The following NELL1 variants were observed in gnomAD, a reference collection of about 807,000 sequenced individuals.
NELL1 encodes neural EGFL like 1.
Under a neutral mutation model 107.4 loss-of-function variants are expected in NELL1, and 76 were observed. The observed-to-expected ratio is 0.71, with a 90% CI of 0.59 to 0.86. NELL1 has a LOEUF of 0.86. Among genes scored for constraint, NELL1 ranks in the 40% least tolerant of loss-of-function variants. The pLI is 0.00. For missense variants in NELL1, 1,024 were observed against 1,005.5 expected (o/e 1.02, Z -0.25); for synonymous variants, 353 against 341.2 (o/e 1.03, Z -0.38).
chr11:20,976,956 T>G (rs993487119), intron 12 of NELL1, among the ~76,000 whole-genome samples: 36 of 152,240 alleles, frequency 2.4e-4, no homozygotes, highest in African/African-American at 8.7e-4. Context: ...GTGCAAATTT[T>G]TTTTTTTTGA....
chr11:20,800,899 G>A (rs2134002004), intron 3 of NELL1, among the ~76,000 whole-genome samples: 1 of 152,324 alleles, frequency 6.6e-6, no homozygotes, highest in Non-Finnish European at 1.5e-5. Flanking sequence ...TAGTTGGCTT[G>A]TAGAAGGGCT....
chr11:20,805,940 G>A (rs1857373788), intron 3 of NELL1, among the ~76,000 whole-genome samples: 1 of 152,112 alleles, frequency 6.6e-6, no homozygotes, highest in African/African-American at 2.4e-5. Context: ...TTATTGTACT[G>A]TTTCTGTTTT....
intron 14 of NELL1, among the ~76,000 whole-genome samples, chr11:21,290,660 C>T (rs1849236665): frequency 6.6e-6 from 1 of 152,200 alleles, no homozygotes; most frequent in African/African-American, 2.4e-5. Context: ...AGGCAACAGT[C>T]TTTGCTGTTC....
intron 12 of NELL1, among the ~76,000 whole-genome samples, chr11:21,060,911 T>G (rs920731264): frequency 6.6e-6 from 1 of 152,132 alleles, no homozygotes; most frequent in Non-Finnish European, 1.5e-5. Flanking sequence ...AATTTTTATA[T>G]TTTTTAGTAG....
At chr11:21,326,049 GTTTT>G (rs35690119) in intron 14 of NELL1, among the ~76,000 whole-genome samples, 2 of 37,394 alleles carry the variant, frequency 5.3e-5, no homozygotes, top group Non-Finnish European at 9.3e-5. Context: ...GTTAATCCTA[GTTTT>G]TTTTTTTTTT....
intron 4 of NELL1, among the ~76,000 whole-genome samples, chr11:20,878,442 A>T (rs1376828515): frequency 1.3e-5 from 2 of 151,536 alleles, no homozygotes; most frequent in African/African-American, 2.4e-5. Context: ...TCTGAAATAC[A>T]TCTCTCTGAT....
Position 20,973,392 on chromosome 11 carries a change from G to A in NELL1, c.1300+12832G>A, listed in dbSNP as rs551067935. On this transcript the variant is annotated intron_variant, in intron 12 of 19. Transcript: ENST00000357134. ...CAAAGTGTTGGGATTACAGGCATGA[G>A]CCACTGCGTCCAGCCTCTTCGTTAC... 2.8e-4 allele frequency among the ~76,000 whole-genome samples: 43 copies of A among 152,296 alleles called. No homozygotes were observed. In the South Asian group the frequency reaches 6.4e-3, roughly 23 times the overall value.
intron 13 of NELL1, among the ~76,000 whole-genome samples, chr11:21,114,188 T>C (rs1392983306): frequency 6.6e-6 from 1 of 152,046 alleles, no homozygotes; most frequent in Non-Finnish European, 1.5e-5. Flanking sequence ...TTAATTAATA[T>C]ATGCTTGTTG....
chr11:21,549,084 G>T (rs1403545928), intron 16 of NELL1, among the ~76,000 whole-genome samples: 1 of 151,508 alleles, frequency 6.6e-6, no homozygotes, highest in Non-Finnish European at 1.5e-5. Context: ...ACATAACAGG[G>T]TTTATGAATA....
At chr11:20,914,208 G>A (rs1850195913) in intron 5 of NELL1, among the ~76,000 whole-genome samples, 2 of 152,108 alleles carry the variant, frequency 1.3e-5, no homozygotes, top group African/African-American at 2.4e-5. Context: ...GGTTAAGGAT[G>A]CACCCATGAC....
chr11:21,271,892 C>T (rs908531919), intron 14 of NELL1, among the ~76,000 whole-genome samples: 1 of 152,142 alleles, frequency 6.6e-6, no homozygotes, highest in Non-Finnish European at 1.5e-5. Context: ...ATGATCATAA[C>T]AATAGATGCA....
At chr11:20,834,712 CA>C (rs1279621439) in intron 3 of NELL1, among the ~76,000 whole-genome samples, 1 of 148,620 alleles carries the variant, frequency 6.7e-6, no homozygotes, top group African/African-American at 2.5e-5. Flanking sequence ...AAAAAAAAAA[CA>C]AAAAACAAAC....
chr11:20,719,211 C>T (rs1855320606), intron 2 of NELL1, among the ~76,000 whole-genome samples: 1 of 152,310 alleles, frequency 6.6e-6, no homozygotes, highest in African/African-American at 2.4e-5. Flanking sequence ...ACACTCTCTT[C>T]TGGCCTTTCT....
At chr11:21,220,417 A>T (rs1378182595) in intron 13 of NELL1, among the ~76,000 whole-genome samples, 1 of 152,126 alleles carries the variant, frequency 6.6e-6, no homozygotes, top group African/African-American at 2.4e-5. Context: ...ATTGATATCA[A>T]CATGTCATTA....
At chr11:21,413,179 A>G (rs973393083) in intron 15 of NELL1, among the ~76,000 whole-genome samples, 1 of 152,106 alleles carries the variant, frequency 6.6e-6, no homozygotes, top group Non-Finnish European at 1.5e-5. Flanking sequence ...CAGTATCAGT[A>G]TCACGATGTG....
At chr11:20,761,701 C>G (rs1201339714) in intron 2 of NELL1, among the ~76,000 whole-genome samples, 3 of 152,106 alleles carry the variant, frequency 2.0e-5, no homozygotes, top group Non-Finnish European at 4.4e-5. Flanking sequence ...TATTTTGAAA[C>G]AAACTCTGGG....
intron 14 of NELL1, among the ~76,000 whole-genome samples, chr11:21,342,990 G>C (rs11600610): frequency 0.14 from 21,415 of 151,986 alleles, 1,815 homozygotes; most frequent in Non-Finnish European, 0.2. Context: ...CTGTTGAATG[G>C]AAAGCTCACC....
At chr11:20,800,455 T>G (rs529057990) in intron 3 of NELL1, among the ~76,000 whole-genome samples, 42 of 152,302 alleles carry the variant, frequency 2.8e-4, no homozygotes, top group Non-Finnish European at 5.6e-4. Context: ...ATTAGTGATG[T>G]TGACTTTTAA....
intron 15 of NELL1, among the ~76,000 whole-genome samples, chr11:21,395,255 C>G (rs1480578723): frequency 1.3e-5 from 2 of 151,488 alleles, no homozygotes; most frequent in Admixed American, 6.6e-5. Flanking sequence ...TATCTGCCCT[C>G]TCTTTGAAAC....
Sources: allele counts gnomAD v4.1 joint callset (sites outside exome capture counted in the v4.1 genomes callset), GRCh38; gene constraint gnomAD v4.1.1; transcripts MANE v1.5; gene names NCBI Gene and HGNC (gene_info 2026-07-23, HGNC 2026-07-21).